Variants in MAPKAPK5 observed in about 807,000 individuals in gnomAD.
MAPKAPK5 encodes MAPK activated protein kinase 5.
Under a neutral mutation model 65.1 loss-of-function variants are expected in MAPKAPK5, and 30 were observed. The observed-to-expected ratio is 0.46, with a 90% confidence interval of 0.34 to 0.63. The LOEUF (loss-of-function observed/expected upper bound fraction) is 0.63. Ranked by LOEUF, MAPKAPK5 falls within the 20% of genes least tolerant of loss-of-function variation. The pLI is 0.01. For missense variants in MAPKAPK5, 433 were observed against 581.4 expected (o/e 0.74, Z 2.63); for synonymous variants, 179 against 204.6 (o/e 0.87, Z 1.07).
Position 111,866,210 on chromosome 12 carries a change from T to C in MAPKAPK5, c.165T>C (p.Asp55=). The C allele has an allele frequency of 1.2e-6, 2 of 1,612,364 alleles. No homozygotes were observed. Among genetic ancestry groups the C allele is most frequent in the Non-Finnish European group, 1.7e-6 (2 of 1,179,166 alleles). ...GGTTTGCGCTGAAAATTCTTCTTGA[T>C]CGTCCAAAAGCTAGAAATGAGGTAT... is the stretch of plus-strand genomic sequence containing the variant. The part of the protein sequence containing the change: ...QERFALKILL[D]RPKARNEVRL... The change falls in exon 3 of 14, where the codon GAT becomes GAC. Residue 55 remains aspartate (D), a synonymous_variant. Transcript: ENST00000550735.
rs1329135745 is a variant in MAPKAPK5 at position 111,899,722 on chromosome 12, T to C, written c.*6661T>C. On this transcript the variant is annotated 3_prime_UTR_variant, in exon 14 of 14. Coordinates refer to ENST00000550735, the MANE Select transcript of MAPKAPK5 (RefSeq NM_003668.4). ...CACTATGAAGGCTACATAGAAGGAGTGTCAGGTTCTTTTGTTTCTGTCAAC... is the reference window on the plus strand; with the variant it reads ...CACTATGAAGGCTACATAGAAGGAGCGTCAGGTTCTTTTGTTTCTGTCAAC... 3.2e-6 allele frequency: 1 copy of C among 313,366 alleles called. No homozygotes were observed. Among genetic ancestry groups the C allele is most frequent in the African/African-American group, 2.2e-5 (1 of 45,974 alleles). The allele number at this position is 313,366 out of a possible 1,614,324, so 19.4% of individuals were successfully genotyped here. A position where few individuals can be genotyped will look rare whatever the true frequency, so the allele number is the denominator to read the frequency against.
intron 7 of MAPKAPK5, among the ~76,000 whole-genome samples, chr12:111,873,533 C>T (rs982384247): frequency 6.6e-6 from 1 of 151,988 alleles, no homozygotes; most frequent in African/African-American, 2.4e-5. Context: ...TTAGTAGAGA[C>T]GGGGTTTCAC....
intron 1 of MAPKAPK5, among the ~76,000 whole-genome samples, chr12:111,847,541 T>A (rs1411937850): frequency 6.6e-6 from 1 of 152,152 alleles, no homozygotes; most frequent in Non-Finnish European, 1.5e-5. Flanking sequence ...CTATTATGTA[T>A]AGCGAGTCGT....
rs2068754109 is a variant in MAPKAPK5 at position 111,842,768 on chromosome 12, A to C, written c.35A>C (p.Lys12Thr). ...SEESDMDKAI[K>T]ETSILEEYSI... ...GAGAGCGACATGGACAAAGCCATCA[A>C]GGTAAGGGGGAGGTGCCCCCTCTTC... Residue 12 changes from lysine (K) to threonine (T), a missense_variant and splice_region_variant, in exon 1 of 14, where the codon AAG becomes ACG. Physicochemically the swap from Lys to Thr is moderately conservative, Grantham distance 78. Around this residue, in one of 3 missense-constraint regions of MAPKAPK5, gnomAD observed 165 missense variants for 180.0 expected, o/e 0.92. Transcript: ENST00000550735. 2.2e-6 allele frequency: 3 copies of C among 1,335,272 alleles called. No homozygotes were observed. The highest frequency in any genetic ancestry group is 1.5e-5 in the African/African-American group (1 of 66,654). 82.7% of individuals were successfully genotyped at this position (1,335,272 alleles called of 1,614,324 possible).
At chr12:111,853,003 G>A (rs1252406743) in intron 1 of MAPKAPK5, among the ~76,000 whole-genome samples, 2 of 152,046 alleles carry the variant, frequency 1.3e-5, no homozygotes, top group East Asian at 3.9e-4. Flanking sequence ...TGAACTCCTG[G>A]CCTCAGGCAA....
At position 111,883,106 on chromosome 12, in the gene MAPKAPK5, G is replaced by C. The variant is rs929468905; in HGVS notation, c.661-475G>C. 6.6e-6 allele frequency among the ~76,000 whole-genome samples: 1 copy of C among 152,054 alleles called. No homozygotes were observed. Among genetic ancestry groups the C allele is most frequent in the Non-Finnish European group, 1.5e-5 (1 of 67,984 alleles). ...TATGGAGAGAGGCCAGGTGTGGTGA[G>C]TCACGCCTGTAATCCCAGCACTTTG... On this transcript the variant is annotated intron_variant, in intron 8 of 13. Coordinates refer to ENST00000550735, the MANE Select transcript of MAPKAPK5 (RefSeq NM_003668.4). The surrounding 1 kb of genome is among the most constrained non-coding windows in gnomAD (Gnocchi z 4.8).
chr12:111,866,686 G>A (rs555199101), intron 3 of MAPKAPK5, among the ~76,000 whole-genome samples: 34 of 151,922 alleles, frequency 2.2e-4, no homozygotes, highest in Admixed American at 9.2e-4. Context: ...CTCGGCTTAC[G>A]GCAACCTCCG....
At chr12:111,866,000 T>G (rs769139459) in intron 2 of MAPKAPK5, among the ~76,000 whole-genome samples, 156 bp from the exon 3 acceptor site, 5 of 152,158 alleles carry the variant, frequency 3.3e-5, no homozygotes, top group African/African-American at 1.2e-4. Flanking sequence ...GTGAGATGCT[T>G]CTTTCCCCCA....
rs1172374513 is a variant in MAPKAPK5, at chr12:111,868,786, A to C, written c.318A>C (p.Glu106Asp). 1 of 1,570,254 alleles carries C rather than the reference A, an allele frequency of 6.4e-7. No homozygotes were observed. Among genetic ancestry groups the C allele is most frequent in the East Asian group, 2.4e-5 (1 of 42,384 alleles). ...TCTTAATTGTAATGGAGATGATGGA[A>C]GGGGGAGAGCTATTTCACAGAATCA... ...ARLLIVMEMM[E>D]GGELFHRISQ... is the part of the protein sequence containing the mutation. Residue 106 changes from glutamate to aspartate, a missense_variant, in exon 5 of 14, where the codon GAA becomes GAC. Coordinates refer to ENST00000550735, the MANE Select transcript of MAPKAPK5 (RefSeq NM_003668.4).
rs574437223 is a variant in MAPKAPK5 at position 111,869,841 on chromosome 12, T to G, written c.394-430T>G. Among the ~76,000 whole-genome samples, 39 of 152,314 alleles carry G rather than the reference T, an allele frequency of 2.6e-4. 1 individual carries two copies. In the South Asian group the frequency reaches 7.0e-3, roughly 28 times the overall value. On this transcript the variant is annotated intron_variant, in intron 5 of 13. Coordinates refer to ENST00000550735, the MANE Select transcript of MAPKAPK5 (RefSeq NM_003668.4). ...TATGAATTGGAAAAACCCAGTCAGC[T>G]GATTTCTTGACCCTCAGCTCCCTGG...
chr12:111,854,544 T>A (rs956494584), intron 1 of MAPKAPK5, among the ~76,000 whole-genome samples: 4 of 151,698 alleles, frequency 2.6e-5, no homozygotes, highest in African/African-American at 9.7e-5. Flanking sequence ...CGGCCAGTAA[T>A]GATTTTCAAT....
rs947882390 is a variant in MAPKAPK5, at chr12:111,874,343, C to T, written c.579+3163C>T. 1.0e-4 allele frequency among the ~76,000 whole-genome samples: 15 copies of T among 150,572 alleles called. 1 individual carries two copies. The highest frequency in any genetic ancestry group is 7.3e-4 in the Admixed American group (11 of 15,106). ...CTGGGAGGTGGAGGCTGCAGTTAGT[C>T]GAGATCATGCCATTGCACTCCAGCC... On this transcript the variant is annotated intron_variant, in intron 7 of 13. Coordinates refer to ENST00000550735, the MANE Select transcript of MAPKAPK5 (RefSeq NM_003668.4).
intron 1 of MAPKAPK5, 123 bp from the exon 2 acceptor site, chr12:111,865,127 C>T: frequency 1.6e-6 from 1 of 628,634 alleles, no homozygotes; most frequent in Non-Finnish European, 2.8e-6. Context: ...CAAAGTTCTG[C>T]TTATCAGATT....
At chr12:111,870,195 C>G (rs1474906896) in intron 5 of MAPKAPK5, 76 bp from the exon 6 acceptor site, 6 of 956,536 alleles carry the variant, frequency 6.3e-6, no homozygotes, top group South Asian at 1.9e-5. Flanking sequence ...TTTTTGACAT[C>G]CTGAGTTCTC....
At chr12:111,886,139 C>T (rs1184776860) in intron 10 of MAPKAPK5, 103 bp downstream of exon 10, 40 of 1,471,430 alleles carry the variant, frequency 2.7e-5, no homozygotes, top group Non-Finnish European at 3.0e-5. Flanking sequence ...GCAGAGTACA[C>T]GATCCTTCCC....
chr12:111,861,548 G>A (rs1365163907), intron 1 of MAPKAPK5, among the ~76,000 whole-genome samples: 2 of 151,942 alleles, frequency 1.3e-5, no homozygotes, highest in South Asian at 2.1e-4. Flanking sequence ...GGCTGGTCTC[G>A]AACTCCTGAC....
In MAPKAPK5 at chr12:111,880,531, C is replaced by T. The variant is rs201330423; in HGVS notation, c.660+4C>T. ...GACGCCCTACACTTACAACAAGGTA[C>T]AGGAAGAGATATTTCTCTTCATTTG... is the stretch of plus-strand genomic sequence containing the variant. On this transcript the variant is annotated splice_donor_region_variant and intron_variant, in intron 8 of 13. Transcript: ENST00000550735. 40 of 1,613,046 alleles carry T rather than the reference C, an allele frequency of 2.5e-5. 1 individual carries two copies. Among genetic ancestry groups the T allele is most frequent in the Admixed American group, 2.2e-4 (13 of 60,014 alleles).
chr12:111,853,147 C>T (rs777182753), intron 1 of MAPKAPK5, among the ~76,000 whole-genome samples: 33 of 151,906 alleles, frequency 2.2e-4, no homozygotes, highest in African/African-American at 7.5e-4. Context: ...GGGCGGATCA[C>T]GAGGTCAGGG....
rs112096338 is a variant in MAPKAPK5 at position 111,883,077 on chromosome 12, A to T, written c.661-504A>T. ...TGTATGTAGTATTGGCAGCTTATTG[A>T]AAATATGGAGAGAGGCCAGGTGTGG... On this transcript the variant is annotated intron_variant, in intron 8 of 13. Coordinates refer to ENST00000550735, the MANE Select transcript of MAPKAPK5 (RefSeq NM_003668.4). This position sits in a 1 kb window ranked among gnomAD's most constrained non-coding sequence, Gnocchi z 4.8. Among the ~76,000 whole-genome samples, 226 of 152,252 alleles carry T rather than the reference A, an allele frequency of 1.5e-3. No individual in the cohort carries two copies. Among genetic ancestry groups the T allele is most frequent in the Non-Finnish European group, 2.6e-3 (178 of 68,014 alleles).
Sources: gnomAD v4.1 joint callset for allele counts (sites outside exome capture counted in the v4.1 genomes callset) on GRCh38, gnomAD v4.1.1 for gene constraint, gnomAD v4.1.1 regional missense constraint, Gnocchi (gnomAD v3.1) non-coding constraint, MANE v1.5 for transcripts, NCBI Gene and HGNC (gene_info 2026-07-23, HGNC 2026-07-21) for gene names.